The following ROR1 variants were observed in gnomAD, a reference collection of about 807,000 sequenced individuals.
The protein encoded by ROR1 is ROR family WNT receptor 1, also known as inactive tyrosine-protein kinase transmembrane receptor ROR1.
In ROR1, 19 loss-of-function variants were observed where a neutral mutation model predicts 78.8. The ratio of observed to expected loss-of-function variants is 0.24; its 90% CI spans 0.17 to 0.35. The LOEUF is 0.35. Ranked by LOEUF, ROR1 falls within the 10% of genes least tolerant of loss-of-function variation. The pLI is 1.00. For synonymous variants in ROR1, 386 were observed against 433.6 expected (o/e 0.89, Z 1.36); for missense variants, 917 against 1,177.8 (o/e 0.78, Z 3.24).
intron 1 of ROR1, among the ~76,000 whole-genome samples, chr1:63,888,597 T>C (rs1645373178): frequency 1.3e-5 from 2 of 152,260 alleles, no homozygotes; most frequent in East Asian, 3.9e-4. Flanking sequence ...CACTCCAGTG[T>C]GGGTGACAGG....
intron 1 of ROR1, among the ~76,000 whole-genome samples, chr1:63,954,781 G>A (rs906913634): frequency 6.6e-6 from 1 of 152,172 alleles, no homozygotes; most frequent in Non-Finnish European, 1.5e-5. Flanking sequence ...CATAGGTGAT[G>A]TCCAAATAGT....
At chr1:63,870,787 TC>T (rs779273425) in intron 1 of ROR1, among the ~76,000 whole-genome samples, 1 of 151,906 alleles carries the variant, frequency 6.6e-6, no homozygotes, top group South Asian at 2.1e-4. Context: ...TTTCCAAGAG[TC>T]CCCAAAGTGT....
intron 1 of ROR1, among the ~76,000 whole-genome samples, chr1:63,796,805 G>A (rs1487054673): frequency 6.6e-6 from 1 of 152,186 alleles, no homozygotes; most frequent in Admixed American, 6.5e-5. Flanking sequence ...GTGACTGAAG[G>A]TGGAAATGGC....
At chr1:63,861,945 T>TA (rs1211187523) in intron 1 of ROR1, among the ~76,000 whole-genome samples, 1 of 152,150 alleles carries the variant, frequency 6.6e-6, no homozygotes, top group Non-Finnish European at 1.5e-5. Flanking sequence ...TTTATTAAAA[T>TA]AAAAAATGGC....
At chr1:64,004,276 A>G (rs1026852590) in intron 1 of ROR1, among the ~76,000 whole-genome samples, 6 of 152,196 alleles carry the variant, frequency 3.9e-5, no homozygotes, top group Non-Finnish European at 8.8e-5. Flanking sequence ...TTTCCACAGT[A>G]CCTGTAAACA....
intron 1 of ROR1, among the ~76,000 whole-genome samples, chr1:64,008,637 T>A (rs1646449653): frequency 6.6e-6 from 1 of 152,070 alleles, no homozygotes; most frequent in African/African-American, 2.4e-5. Context: ...ATTTTTTGAC[T>A]TTTTTTGTTT....
At chr1:63,797,677 G>T (rs370701575) in intron 1 of ROR1, among the ~76,000 whole-genome samples, 2 of 152,264 alleles carry the variant, frequency 1.3e-5, no homozygotes, top group Non-Finnish European at 1.5e-5. Context: ...TTTGAATATT[G>T]TATCTCAGGT....
At chr1:63,844,570 A>C (rs144450165) in intron 1 of ROR1, among the ~76,000 whole-genome samples, 24 of 152,318 alleles carry the variant, frequency 1.6e-4, no homozygotes, top group African/African-American at 5.5e-4. Flanking sequence ...TTCACAGTCT[A>C]CTAGGGTGTT....
chr1:64,162,518 C>T (rs552020136), intron 8 of ROR1, among the ~76,000 whole-genome samples: 18 of 152,308 alleles, frequency 1.2e-4, no homozygotes, highest in Middle Eastern at 3.4e-3. Context: ...ACCTTAACGC[C>T]GAACAATCAG....
At chr1:64,050,547 C>A in intron 3 of ROR1, 139 bp from the exon 4 acceptor site, 1 of 819,756 alleles carries the variant, frequency 1.2e-6, no homozygotes, top group Non-Finnish European at 2.0e-6. Context: ...GGGAATAGAG[C>A]AAAACAATAA....
chr1:63,852,766 T>C (rs1022361430), intron 1 of ROR1, among the ~76,000 whole-genome samples: 7 of 152,216 alleles, frequency 4.6e-5, no homozygotes, highest in South Asian at 2.1e-4. Context: ...ATCTGTAGCA[T>C]GACAGTTCAG....
At chr1:63,914,019 C>T (rs1359660647) in intron 1 of ROR1, among the ~76,000 whole-genome samples, 1 of 152,148 alleles carries the variant, frequency 6.6e-6, no homozygotes, top group Non-Finnish European at 1.5e-5. Context: ...ATGCCTGTGT[C>T]AGGAGCTCTA....
intron 8 of ROR1, among the ~76,000 whole-genome samples, chr1:64,170,278 C>T (rs1650199131): frequency 6.6e-6 from 1 of 152,226 alleles, no homozygotes; most frequent in Admixed American, 6.5e-5. Flanking sequence ...GGTGGAGATT[C>T]CCAAACCTCA....
At chr1:64,018,095 G>A (rs1036632537) in intron 2 of ROR1, among the ~76,000 whole-genome samples, 6 of 152,078 alleles carry the variant, frequency 3.9e-5, no homozygotes, top group Non-Finnish European at 8.8e-5. Context: ...TTGGCCTCAA[G>A]GTACTTCCAG....
chr1:64,046,180 A>G (rs1149261), intron 2 of ROR1, among the ~76,000 whole-genome samples: 98,323 of 152,042 alleles, frequency 0.65, 35,789 homozygotes, highest in East Asian at 0.88. Flanking sequence ...TCCAAAGCCC[A>G]GGGAGGTGAA....
intron 1 of ROR1, among the ~76,000 whole-genome samples, chr1:63,958,660 T>C (rs1165888139): frequency 6.6e-6 from 1 of 152,220 alleles, no homozygotes; most frequent in Admixed American, 6.5e-5. Context: ...AGTCCAATGC[T>C]CATATAGTGG....
intron 1 of ROR1, among the ~76,000 whole-genome samples, chr1:63,864,097 A>T (rs1397426115): frequency 6.6e-6 from 1 of 152,200 alleles, no homozygotes; most frequent in Non-Finnish European, 1.5e-5. Flanking sequence ...TAATCTTTGC[A>T]GCATTTTGAA....
chr1:63,832,777 A>T (rs758420229), intron 1 of ROR1, among the ~76,000 whole-genome samples: 22 of 152,212 alleles, frequency 1.4e-4, no homozygotes, highest in Admixed American at 3.3e-4. Context: ...AGTTTTATCC[A>T]CGAAAAGTAC....
rs779226304 is a variant in ROR1 at position 64,001,672 on chromosome 1, A to G, written c.92-7633A>G. On this transcript the variant is annotated intron_variant, in intron 1 of 8. Transcript: ENST00000371079. ...TCAAGAGTCCTAGCAGCTTCTCTGG[A>G]CTGTTAGGAGAAGTATTTCCAGCAC... Among the ~76,000 whole-genome samples the G allele has an allele frequency of 1.8e-4, 27 of 152,158 alleles. 1 individual carries two copies. Among genetic ancestry groups the G allele is most frequent in the Admixed American group, 1.0e-3 (16 of 15,290 alleles).
Sources: gnomAD v4.1 joint callset for allele counts (sites outside exome capture counted in the v4.1 genomes callset) on GRCh38, gnomAD v4.1.1 for gene constraint, MANE v1.5 for transcripts, NCBI Gene and HGNC (gene_info 2026-07-23, HGNC 2026-07-21) for gene names.